The following VAV3 variants were observed in gnomAD, a reference collection of about 807,000 sequenced individuals.
VAV3 encodes guanine nucleotide exchange factor VAV3.
A neutral mutation model predicts 131.2 loss-of-function variants in VAV3; 94 were observed. The observed-to-expected ratio is 0.72, with a 90% CI of 0.61 to 0.85. VAV3 has a LOEUF of 0.85. Among genes scored for constraint, VAV3 ranks in the 40% least tolerant of loss-of-function variants. The pLI, the probability that VAV3 is intolerant of heterozygous loss-of-function variation, is 0.00. For synonymous variants in VAV3, 349 were observed against 342.0 expected, an observed-to-expected ratio of 1.02 and a Z score of -0.22; for missense variants, 939 against 1,002.7, an observed-to-expected ratio of 0.94 and a Z score of 0.86.
chr1:107,793,555 C>A (rs957521458), intron 2 of VAV3, among the ~76,000 whole-genome samples: 1 of 152,124 alleles, frequency 6.6e-6, no homozygotes, highest in Non-Finnish European at 1.5e-5. Flanking sequence ...TACATCTGAA[C>A]AAGGGAACGG....
intron 15 of VAV3, among the ~76,000 whole-genome samples, chr1:107,725,039 G>A (rs550829796): frequency 6.6e-6 from 1 of 152,304 alleles, no homozygotes; most frequent in South Asian, 2.1e-4. Context: ...TTATAGAGAT[G>A]ACCATAGCAA....
At chr1:107,588,046 T>C (rs555937951) in intron 25 of VAV3, among the ~76,000 whole-genome samples, 203 of 152,340 alleles carry the variant, frequency 1.3e-3, no homozygotes, top group Non-Finnish European at 2.3e-3. Flanking sequence ...TCTGAATCTG[T>C]AGAATTTACA....
At chr1:107,594,997 A>G (rs559138213) in intron 25 of VAV3, among the ~76,000 whole-genome samples, 30 of 152,292 alleles carry the variant, frequency 2.0e-4, no homozygotes, top group Non-Finnish European at 3.7e-4. Context: ...CATAGCTTCA[A>G]CAGAGTTTTA....
intron 17 of VAV3, among the ~76,000 whole-genome samples, chr1:107,691,095 C>T (rs892469027): frequency 6.6e-5 from 10 of 152,126 alleles, no homozygotes; most frequent in African/African-American, 2.4e-4. Flanking sequence ...GTGCTTGTGA[C>T]AGTGACTATA....
chr1:107,749,720 T>C, intron 13 of VAV3, 126 bp from the exon 14 acceptor site: 1 of 1,045,008 alleles, frequency 9.6e-7, no homozygotes, highest in Non-Finnish European at 1.4e-6. Context: ...TATCATACAC[T>C]GAAAACAACG....
At chr1:107,839,924 G>A (rs1168026817) in intron 2 of VAV3, among the ~76,000 whole-genome samples, 1 of 152,084 alleles carries the variant, frequency 6.6e-6, no homozygotes, top group Non-Finnish European at 1.5e-5. Flanking sequence ...TGATAACTTA[G>A]GTGAAACAGG....
intron 15 of VAV3, 135 bp from the exon 16 acceptor site, chr1:107,705,196 A>G: frequency 1.4e-6 from 1 of 698,786 alleles, no homozygotes; most frequent in Non-Finnish European, 2.4e-6. Flanking sequence ...TAAATGTGCA[A>G]TGTTTTCTAA....
At chr1:107,819,041 C>T (rs1667680288) in intron 2 of VAV3, among the ~76,000 whole-genome samples, 1 of 152,104 alleles carries the variant, frequency 6.6e-6, no homozygotes, top group African/African-American at 2.4e-5. Flanking sequence ...TTAGTGATCC[C>T]TGTTTTTAAC....
intron 12 of VAV3, among the ~76,000 whole-genome samples, chr1:107,753,357 CA>C (rs1407497011): frequency 6.6e-6 from 1 of 151,276 alleles, no homozygotes; most frequent in Admixed American, 6.6e-5. Context: ...TTCAGTTTTG[CA>C]AGATGAAGTT....
intron 24 of VAV3, among the ~76,000 whole-genome samples, chr1:107,598,336 A>G (rs1209786832): frequency 6.6e-6 from 1 of 152,094 alleles, no homozygotes; most frequent in Non-Finnish European, 1.5e-5. Context: ...AGCCTGGGCA[A>G]CAAGAACGAA....
At chr1:107,814,451 G>A (rs1184377625) in intron 2 of VAV3, among the ~76,000 whole-genome samples, 1 of 151,996 alleles carries the variant, frequency 6.6e-6, no homozygotes, top group Non-Finnish European at 1.5e-5. Flanking sequence ...GTCTTCCTTT[G>A]AGAAATGTTT....
At chr1:107,661,729 C>T (rs558281292) in intron 19 of VAV3, among the ~76,000 whole-genome samples, 1 of 152,146 alleles carries the variant, frequency 6.6e-6, no homozygotes, top group Admixed American at 6.5e-5. Context: ...ACTAATTTTG[C>T]TTGTACAAAT....
chr1:107,582,123 A>G (rs1416530667), intron 25 of VAV3, among the ~76,000 whole-genome samples: 1 of 152,146 alleles, frequency 6.6e-6, no homozygotes, highest in Non-Finnish European at 1.5e-5. Flanking sequence ...CAGTGGCCCT[A>G]GATGTTTTGC....
chr1:107,628,275 TA>T (rs766654781), intron 20 of VAV3, among the ~76,000 whole-genome samples: 7 of 151,912 alleles, frequency 4.6e-5, no homozygotes, highest in African/African-American at 1.7e-4. Flanking sequence ...AAAGTATCTG[TA>T]AAAAAAAGCA....
intron 20 of VAV3, among the ~76,000 whole-genome samples, chr1:107,623,664 G>A (rs1455839195): frequency 2.6e-5 from 4 of 152,140 alleles, no homozygotes; most frequent in Non-Finnish European, 4.4e-5. Flanking sequence ...TTGAAAACTT[G>A]CCAAGCCTAC....
At chr1:107,963,503 G>T (rs1398608888) in intron 1 of VAV3, 1 of 152,208 alleles carries the variant, frequency 6.6e-6, no homozygotes, top group Non-Finnish European at 1.5e-5. Flanking sequence ...AGGCAAACAG[G>T]CAAGGAATGC....
At chr1:107,747,788 T>C (rs932144820) in intron 15 of VAV3, among the ~76,000 whole-genome samples, 1 of 152,210 alleles carries the variant, frequency 6.6e-6, no homozygotes, top group Admixed American at 6.5e-5. Context: ...GAACCCAGAA[T>C]TGACTATAAG....
chr1:107,702,395 C>A (rs144969020), intron 17 of VAV3, among the ~76,000 whole-genome samples: 408 of 152,198 alleles, frequency 2.7e-3, no homozygotes, highest in Non-Finnish European at 4.7e-3. Flanking sequence ...CACACAGGGC[C>A]AAACCATAGC....
At position 107,749,487 on chromosome 1, in the gene VAV3, G is replaced by C; in HGVS notation, c.1367C>G (p.Pro456Arg). 6.2e-7 allele frequency: 1 copy of C among 1,603,278 alleles called. No homozygotes were observed. The highest frequency in any genetic ancestry group is 8.5e-7 in the Non-Finnish European group (1 of 1,177,362). ...DLQQYKIANN[P>R]TTDKENKKWS... ...CTTTTTGTTTTCTTTATCGGTTGTA[G>C]GATTATTGGCTATCTTGTACTGCTG... Residue 456 changes from proline to arginine, a missense_variant, in exon 14 of 27, where the codon CCT becomes CGT. Transcript: ENST00000370056.
Sources: gnomAD v4.1 joint callset for allele counts (sites outside exome capture counted in the v4.1 genomes callset) on GRCh38, gnomAD v4.1.1 for gene constraint, MANE v1.5 for transcripts, NCBI Gene and HGNC (gene_info 2026-07-23, HGNC 2026-07-21) for gene names.